Variants in SUN1 observed in about 807,000 individuals in gnomAD.
SUN1 encodes the protein SUN domain-containing protein 1.
In SUN1, 61 loss-of-function variants were observed where a neutral mutation model predicts 103.2. That is an observed-to-expected ratio of 0.59 (90% CI 0.48 to 0.73). The LOEUF (loss-of-function observed/expected upper bound fraction) is 0.73, where lower values mean the gene tolerates loss of function less well. Ranked by LOEUF, SUN1 falls within the 30% of genes least tolerant of loss-of-function variation. The pLI is 0.00. For missense variants in SUN1, 1,052 were observed against 1,034.6 expected, an observed-to-expected ratio of 1.02 and a Z score of -0.23; for synonymous variants, 490 against 425.7, an observed-to-expected ratio of 1.15 and a Z score of -1.86.
chr7:843,669 T>G (rs1283484976), intron 5 of SUN1, 149 bp downstream of exon 5: 1 of 1,492,024 alleles, frequency 6.7e-7, no homozygotes, highest in Non-Finnish European at 8.9e-7. Flanking sequence ...ACCAGCTTTG[T>G]CCTTCCTGTC....
At chr7:830,986 T>A, upstream of SUN1, 1 of 985,468 alleles carries the variant, frequency 1.0e-6, no homozygotes, top group Non-Finnish European at 1.2e-6. Flanking sequence ...GAGGGTAGCC[T>A]ACATTGGATC....
chr7:842,183 G>A (rs1810708316), intron 3 of SUN1, 53 bp downstream of exon 3: 1 of 1,586,056 alleles, frequency 6.3e-7, no homozygotes, highest in South Asian at 1.1e-5. Flanking sequence ...GTGTTTCTCA[G>A]ATTATGCTGG....
rs186118936 is a variant in SUN1 at position 825,598 on chromosome 7, T to C, written c.-74+8925T>C. ...GTTGTAGTCATTTATTTCTGATTTG[T>C]TGTTTTGAATAATCAGTTCATTTTT... On this transcript the variant is annotated intron_variant, in intron 1 of 17. Transcript: ENST00000389574. 2.0e-5 allele frequency among the ~76,000 whole-genome samples: 3 copies of C among 152,362 alleles called. No individual in the cohort carries two copies. The East Asian group carries it at 5.8e-4, about 29-fold the overall frequency.
At chr7:836,074 AGCCG>A (rs2128245220) in intron 1 of SUN1, among the ~76,000 whole-genome samples, 1 of 152,246 alleles carries the variant, frequency 6.6e-6, no homozygotes, top group East Asian at 1.9e-4. Flanking sequence ...AGCCGAAACT[AGCCG>A]GCGCTGCAAC....
intron 5 of SUN1, among the ~76,000 whole-genome samples, chr7:848,229 C>G (rs913799989): frequency 2.6e-5 from 4 of 152,158 alleles, no homozygotes; most frequent in Non-Finnish European, 5.9e-5. Flanking sequence ...TTCGGGGTAC[C>G]CTGGGGGTTG....
At chr7:861,742 C>CT (rs1403663121) in intron 15 of SUN1, among the ~76,000 whole-genome samples, 2 of 152,220 alleles carry the variant, frequency 1.3e-5, no homozygotes, top group Non-Finnish European at 2.9e-5. Flanking sequence ...TGTTCACTCT[C>CT]TCCTGTGCTG....
intron 1 of SUN1, among the ~76,000 whole-genome samples, chr7:837,570 TGTCA>T (rs1219525583): frequency 6.6e-6 from 1 of 152,226 alleles, no homozygotes; most frequent in Non-Finnish European, 1.5e-5. Flanking sequence ...TCAGAGTTTT[TGTCA>T]GTCTTGTCTC....
At chr7:854,643 C>T (rs747246980) in intron 10 of SUN1, among the ~76,000 whole-genome samples, 2 of 152,272 alleles carry the variant, frequency 1.3e-5, no homozygotes, top group Middle Eastern at 3.4e-3. Flanking sequence ...CTCAGGAGGC[C>T]GAGGCGGGAG....
rs114275089 is a variant in SUN1, at chr7:851,841, C to T, written c.758-109C>T. On this transcript the variant is annotated intron_variant, in intron 6 of 18. Transcript: ENST00000401592. ...TAGCATCACCGAACTTCTTCACCTC[C>T]AGCTTCATCTTCATGTGCTTCTAGC... 1,550 of 1,179,482 alleles carry T rather than the reference C, an allele frequency of 1.3e-3. 20 individuals are homozygous for T. In the African/African-American group the frequency reaches 0.021, roughly 16 times the overall value. 73.1% of individuals were successfully genotyped at this position (1,179,482 alleles called of 1,614,324 possible). A position where few individuals can be genotyped will look rare whatever the true frequency, so the allele number is the denominator to read the frequency against.
At chr7:870,788 G>T (rs1446470512) in intron 17 of SUN1, among the ~76,000 whole-genome samples, 1 of 151,992 alleles carries the variant, frequency 6.6e-6, no homozygotes, top group African/African-American at 2.4e-5. Context: ...TCCCGTGGAC[G>T]AGACACTCAC....
At chr7:857,033 C>A (rs1319864337) in intron 12 of SUN1, among the ~76,000 whole-genome samples, 1 of 152,208 alleles carries the variant, frequency 6.6e-6, no homozygotes, top group Admixed American at 6.5e-5. Flanking sequence ...TTCTTCCACA[C>A]GACCACTGAT....
chr7:853,361 C>A, intron 9 of SUN1, 48 bp from the exon 10 acceptor site: 1 of 1,602,420 alleles, frequency 6.2e-7, no homozygotes, highest in Non-Finnish European at 8.5e-7. Flanking sequence ...TGACTCTGTG[C>A]TCATGCTTGT....
At chr7:865,848 G>C in intron 15 of SUN1, 104 bp from the exon 16 acceptor site, 2 of 897,994 alleles carry the variant, frequency 2.2e-6, no homozygotes, top group Non-Finnish European at 3.6e-6. Context: ...GTGATGTCGA[G>C]CACTTTTCTT....
At chr7:830,991 T>G, upstream of SUN1, 1 of 985,464 alleles carries the variant, frequency 1.0e-6, no homozygotes, top group Non-Finnish European at 1.2e-6. Context: ...TAGCCTACAT[T>G]GGATCCAGGC....
chr7:820,763 A>G (rs1044028305), intron 1 of SUN1, among the ~76,000 whole-genome samples: 3 of 152,042 alleles, frequency 2.0e-5, no homozygotes, highest in Non-Finnish European at 4.4e-5. Flanking sequence ...AAGGTGTTGG[A>G]GTTTGTGAGG....
At chr7:867,775 C>G (rs997127110) in intron 16 of SUN1, among the ~76,000 whole-genome samples, 1 of 152,224 alleles carries the variant, frequency 6.6e-6, no homozygotes, top group African/African-American at 2.4e-5. Flanking sequence ...CAAGGTGGAG[C>G]CTCGCCAGAG....
At chr7:824,796 A>G (rs1183451135) in intron 1 of SUN1, among the ~76,000 whole-genome samples, 1 of 151,360 alleles carries the variant, frequency 6.6e-6, no homozygotes, top group Non-Finnish European at 1.5e-5. Flanking sequence ...GCTAGGAACT[A>G]TCTGTCGATA....
chr7:869,051 G>A, intron 16 of SUN1: 1 of 388,310 alleles, frequency 2.6e-6, no homozygotes, highest in Non-Finnish European at 4.8e-6. Flanking sequence ...AGGGCATCTT[G>A]CCACGACCAA....
At chr7:864,121 G>T (rs906478666) in intron 15 of SUN1, among the ~76,000 whole-genome samples, 1 of 152,114 alleles carries the variant, frequency 6.6e-6, no homozygotes, top group African/African-American at 2.4e-5. Flanking sequence ...GTACATAGGT[G>T]CACATATTTA....
Sources: gnomAD v4.1 joint callset for allele counts (sites outside exome capture counted in the v4.1 genomes callset) on GRCh38, gnomAD v4.1.1 for gene constraint, MANE v1.5 for transcripts, NCBI Gene and HGNC (gene_info 2026-07-23, HGNC 2026-07-21) for gene names.